Variants in PLS1 observed in about 807,000 individuals in gnomAD.
PLS1 encodes the protein plastin-1.
PLS1 carries 32 observed loss-of-function variants against 73.7 expected under a neutral mutation model. The observed-to-expected ratio is 0.43, with a 90% CI of 0.33 to 0.58. PLS1 has a LOEUF of 0.58. Ranked by LOEUF, PLS1 falls within the 20% of genes least tolerant of loss-of-function variation. PLS1 has a pLI of 0.04. For missense variants in PLS1, 633 were observed against 740.5 expected (o/e 0.85, Z 1.68); for synonymous variants, 217 against 261.3 (o/e 0.83, Z 1.63).
chr3:142,613,604 C>T (rs2036161551), intron 1 of PLS1, among the ~76,000 whole-genome samples: 1 of 152,192 alleles, frequency 6.6e-6, no homozygotes, highest in Admixed American at 6.5e-5. Context: ...TTGATGCTGA[C>T]TCACTAATCT....
At chr3:142,710,447 G>A (rs112202665) in intron 14 of PLS1, among the ~76,000 whole-genome samples, 2 of 151,724 alleles carry the variant, frequency 1.3e-5, no homozygotes, top group South Asian at 2.1e-4. Flanking sequence ...CTTTTTTTCC[G>A]TTTTTGTCTC....
rs2038247851 is a variant in PLS1, at chr3:142,698,059, A to G, written c.1363A>G (p.Met455Val). Residue 455 changes from methionine (M) to valine (V), a missense_variant, in exon 12 of 16, where the codon ATG (methionine) becomes GTG (valine). Physicochemically the swap from Met to Val is conservative, Grantham distance 21. Transcript: ENST00000457734. ...KPPYPALGGN[M>V]KKIENCNYAV... ...TCCTTATCCTGCCCTTGGAGGGAAC[A>G]TGAAGAAGGTGAATGAAATAATGGC... The G allele has an allele frequency of 6.4e-7, 1 of 1,556,030 alleles. No individual in the cohort carries two copies. The highest frequency in any genetic ancestry group is 1.1e-5 in the South Asian group (1 of 89,782).
Position 142,694,502 on chromosome 3 carries a change from G to T in PLS1, c.1211G>T (p.Trp404Leu). 6.2e-7 allele frequency: 1 copy of T among 1,606,168 alleles called. No homozygotes were observed. Among genetic ancestry groups the T allele is most frequent in the Non-Finnish European group, 8.5e-7 (1 of 1,173,012 alleles). ...AAGGAAGAGAGAACATTTCGGAACT[G>T]GATGAATTCCTTGGGAGTCAACCCA... Reference protein sequence around the residue: ...ESKEERTFRNWMNSLGVNPYI... With the variant: ...ESKEERTFRNLMNSLGVNPYI... The change falls in exon 11 of 16, where the codon TGG becomes TTG. Residue 404 changes from tryptophan to leucine, a missense_variant. By Grantham distance (61) the Trp-to-Leu change is moderately conservative (BLOSUM62 -2). Coordinates refer to ENST00000457734, the MANE Select transcript of PLS1 (RefSeq NM_001145319.2).
chr3:142,653,453 C>G (rs976050911), intron 1 of PLS1, among the ~76,000 whole-genome samples: 1 of 150,110 alleles, frequency 6.7e-6, no homozygotes, highest in African/African-American at 2.5e-5. Flanking sequence ...CCACACCTCC[C>G]GTGCTCAAGC....
intron 2 of PLS1, among the ~76,000 whole-genome samples, chr3:142,668,159 G>T (rs1206710176): frequency 6.6e-6 from 1 of 152,184 alleles, no homozygotes; most frequent in Non-Finnish European, 1.5e-5. Context: ...ACAAAACAGT[G>T]CAAAGCTCTG....
chr3:142,599,396 C>G (rs2035874146), intron 1 of PLS1, among the ~76,000 whole-genome samples: 1 of 142,418 alleles, frequency 7.0e-6, no homozygotes, highest in Non-Finnish European at 1.5e-5. Flanking sequence ...GTGGCGCAAT[C>G]TCGGCTCACT....
chr3:142,597,053 G>A (rs908338714), intron 1 of PLS1, among the ~76,000 whole-genome samples: 123 of 152,118 alleles, frequency 8.1e-4, no homozygotes, highest in African/African-American at 2.8e-3. Context: ...GCATTTTCAA[G>A]TGGAGACTTA....
intron 1 of PLS1, among the ~76,000 whole-genome samples, chr3:142,642,774 G>T (rs544923192): frequency 2.8e-4 from 42 of 152,142 alleles, no homozygotes; most frequent in African/African-American, 9.6e-4. Context: ...TTGCAGCCTC[G>T]ACCTCCTGGG....
At chr3:142,638,180 C>T (rs577025175) in intron 1 of PLS1, among the ~76,000 whole-genome samples, 1 of 152,148 alleles carries the variant, frequency 6.6e-6, no homozygotes, top group South Asian at 2.1e-4. Flanking sequence ...AAAATAGTGC[C>T]TGGCCTTTCA....
chr3:142,676,607 A>G (rs949899121), intron 5 of PLS1, among the ~76,000 whole-genome samples: 12 of 152,240 alleles, frequency 7.9e-5, no homozygotes, highest in African/African-American at 2.6e-4. Flanking sequence ...CCAGTAAGCG[A>G]GTATTGATTA....
At chr3:142,634,410 A>G (rs2036632603) in intron 1 of PLS1, among the ~76,000 whole-genome samples, 1 of 152,190 alleles carries the variant, frequency 6.6e-6, no homozygotes, top group Non-Finnish European at 1.5e-5. Flanking sequence ...ATAAAATTCT[A>G]AAAGAACCCA....
At chr3:142,684,443 G>A (rs1264663363) in intron 8 of PLS1, 48 bp downstream of exon 8, 1 of 1,504,798 alleles carries the variant, frequency 6.6e-7, no homozygotes, top group Non-Finnish European at 9.1e-7. Context: ...AGGATGTGCA[G>A]TGTAAAAATA....
At position 142,613,956 on chromosome 3, in the gene PLS1, A is replaced by G. The variant is rs145121987; in HGVS notation, c.-37+17447A>G. Among the ~76,000 whole-genome samples the G allele has an allele frequency of 7.9e-5, 12 of 152,286 alleles. No homozygotes were observed. The East Asian group carries it at 1.7e-3, about 22-fold the overall frequency. On this transcript the variant is annotated intron_variant, in intron 1 of 15. Transcript: ENST00000457734. ...AAAATTAGTTGCACCATAAAATTCTATATTTGGTACCTTCTGATTATGGAA... is the reference window on the plus strand; with the variant it reads ...AAAATTAGTTGCACCATAAAATTCTGTATTTGGTACCTTCTGATTATGGAA...
intron 1 of PLS1, among the ~76,000 whole-genome samples, chr3:142,599,289 T>TC (rs1243117046): frequency 1.3e-5 from 2 of 150,914 alleles, no homozygotes; most frequent in African/African-American, 2.4e-5. Context: ...ATCCAGACTA[T>TC]CCCCTAATTG....
At chr3:142,708,594 G>A (rs1932963267) in intron 14 of PLS1, among the ~76,000 whole-genome samples, 1 of 152,132 alleles carries the variant, frequency 6.6e-6, no homozygotes, top group South Asian at 2.1e-4. Context: ...GGAATGAAAT[G>A]TTCTAATACA....
chr3:142,641,504 G>T, intron 1 of PLS1, among the ~76,000 whole-genome samples: 1 of 151,072 alleles, frequency 6.6e-6, no homozygotes. Context: ...CTGTTTTTAT[G>T]AATTCCTTTT....
intron 1 of PLS1, among the ~76,000 whole-genome samples, chr3:142,597,086 A>G (rs76964598): frequency 0.018 from 2,683 of 152,332 alleles, 29 homozygotes; most frequent in South Asian, 0.041. Context: ...ATTTCTCCCT[A>G]ACTTTTCAAT....
Position 142,664,209 on chromosome 3 carries a change from G to A in PLS1, c.-29G>A, listed in dbSNP as rs1438485131. 7.6e-7 allele frequency: 1 copy of A among 1,309,872 alleles called. No homozygotes were observed. The highest frequency in any genetic ancestry group is 1.5e-5 in the African/African-American group (1 of 67,352). The allele number at this position is 1,309,872 out of a possible 1,614,324, so 81.1% of individuals were successfully genotyped here. On this transcript the variant is annotated 5_prime_UTR_variant, in exon 2 of 16. Transcript: ENST00000457734. Reference sequence around the variant, plus strand: ...TAATATTGCTTTTTCTAGATATAAAGACCTGAAGATAGTCTTTTCTGTCCA... The same window carrying A: ...TAATATTGCTTTTTCTAGATATAAAAACCTGAAGATAGTCTTTTCTGTCCA...
intron 2 of PLS1, among the ~76,000 whole-genome samples, chr3:142,664,648 T>G (rs989356529): frequency 2.7e-4 from 41 of 152,344 alleles, no homozygotes; most frequent in African/African-American, 9.6e-4. Flanking sequence ...ACTCTGGCCT[T>G]CACATCTTTG....
Sources: gnomAD v4.1 joint callset for allele counts (sites outside exome capture counted in the v4.1 genomes callset) on GRCh38, gnomAD v4.1.1 for gene constraint, MANE v1.5 for transcripts, NCBI Gene and HGNC (gene_info 2026-07-23, HGNC 2026-07-21) for gene names.